Variants in ABCA9 observed in about 807,000 individuals in gnomAD.
ABCA9 encodes ATP-binding cassette sub-family A member 9.
In ABCA9, 183 loss-of-function variants were observed where a neutral mutation model predicts 205.3. The ratio of observed to expected loss-of-function variants is 0.89; its 90% CI spans 0.79 to 1.01. The LOEUF is 1.01. ABCA9 is among the 50% of genes least tolerant of loss of function. The pLI is 0.00. For synonymous variants in ABCA9, 651 were observed against 683.3 expected (o/e 0.95, Z 0.74); for missense variants, 1,805 against 1,912.4 (o/e 0.94, Z 1.05).
At chr17:69,047,509 G>A (rs1235212251) in intron 3 of ABCA9, among the ~76,000 whole-genome samples, 2 of 151,948 alleles carry the variant, frequency 1.3e-5, no homozygotes, top group African/African-American at 4.8e-5. Flanking sequence ...CTGGAGCTAT[G>A]ATAACATTAT....
rs2070235748 is a variant in ABCA9, at chr17:69,008,333, C to T, written c.3148-98G>A. 3 of 1,159,208 alleles carry T rather than the reference C, an allele frequency of 2.6e-6. No homozygotes were observed. The East Asian group carries it at 7.1e-5, about 28-fold the overall frequency. The allele number at this position is 1,159,208 out of a possible 1,614,324, so 71.8% of individuals were successfully genotyped here. ...ATGAAAGCATTCATTTTTGCTTCGC[C>T]TTTTAGAAATATTATCCTGATTTAG... On this transcript the variant is annotated intron_variant, in intron 23 of 38. Transcript: ENST00000340001.
chr17:69,043,713 G>T lies in ABCA9; in HGVS notation c.576C>A (p.Ile192=), dbSNP rs777966131. The T allele has an allele frequency of 1.3e-6, 2 of 1,586,392 alleles. No homozygotes were observed. Among genetic ancestry groups the T allele is most frequent in the East Asian group, 2.2e-5 (1 of 44,602 alleles). The change falls in exon 6 of 39, where the codon ATC becomes ATA. Residue 192 remains isoleucine (I), a splice_region_variant and synonymous_variant. Transcript: ENST00000340001. ...GTTCCATCACTGAATGATTTGTTGC[G>T]ATCTGAAGAAAGATATCAATGAACA... ...QAAINAAIIE[I]ATNHSVMEQL...
chr17:69,021,831 T>C lies in ABCA9; in HGVS notation c.2312A>G (p.Asn771Ser). 6.3e-7 allele frequency: 1 copy of C among 1,579,076 alleles called. No individual in the cohort carries two copies. Among genetic ancestry groups the C allele is most frequent in the Non-Finnish European group, 8.6e-7 (1 of 1,158,342 alleles). Residue 771 changes from asparagine to serine, a missense_variant, in exon 18 of 39, where the codon AAC becomes AGC. Asn to Ser is a conservative substitution (Grantham distance 46, BLOSUM62 1). Coordinates refer to ENST00000340001, the MANE Select transcript of ABCA9 (RefSeq NM_080283.4). ...AACACCATAATCCTCAATGCCTTGG[T>C]TAGAACATCTATCAAGATCCCTGTA... ...ELYRDLDRCS[N>S]QGIEDYGVSI...
chr17:68,987,031 TAAG>T (rs985251047), intron 31 of ABCA9, among the ~76,000 whole-genome samples: 5 of 152,220 alleles, frequency 3.3e-5, no homozygotes, highest in African/African-American at 1.2e-4. Flanking sequence ...TTTACAATAA[TAAG>T]AACATCTAAT....
chr17:68,997,210 C>T (rs572369174), intron 25 of ABCA9, among the ~76,000 whole-genome samples: 142 of 152,352 alleles, frequency 9.3e-4, no homozygotes, highest in Admixed American at 3.7e-3. Flanking sequence ...GGATTACAGG[C>T]GTGAGCCATT....
At chr17:68,977,973 A>T (rs1241312848) in intron 37 of ABCA9, among the ~76,000 whole-genome samples, 1 of 152,160 alleles carries the variant, frequency 6.6e-6, no homozygotes, top group African/African-American at 2.4e-5. Flanking sequence ...AGTTCTGTAG[A>T]TGTCTATTAG....
Position 68,986,294 on chromosome 17 carries a change from GT to G in ABCA9, c.4077del (p.Glu1359AspfsTer19). 1 of 1,612,006 alleles carries G rather than the reference GT, an allele frequency of 6.2e-7. No individual in the cohort carries two copies. The highest frequency in any genetic ancestry group is 8.5e-7 in the Non-Finnish European group (1 of 1,179,208). On this transcript the variant is annotated frameshift_variant, in exon 32 of 39. Transcript: ENST00000340001. LOFTEE classifies it high-confidence loss of function. ...QVILKGSGGG[E>X]PLGFLGYCPQ... is the part of the protein sequence containing the mutation. ...GGGCAGTACCCCAGGAAGCCCAGGG[GT>G]TCCCCTCCACCGCTCCCTTTCAAAA...
intron 23 of ABCA9, among the ~76,000 whole-genome samples, chr17:69,011,105 G>GTAAC (rs1485942769): frequency 1.3e-5 from 2 of 152,130 alleles, no homozygotes; most frequent in African/African-American, 4.8e-5. Context: ...ATGGTTCTAA[G>GTAAC]TAACTCATTG....
At position 69,018,533 on chromosome 17, in the gene ABCA9, G is replaced by C. The variant is rs150463540; in HGVS notation, c.2647C>G (p.Leu883Val). 638 of 1,604,358 alleles carry C rather than the reference G, an allele frequency of 4.0e-4. 7 individuals carry two copies. In the African/African-American group the frequency reaches 7.8e-3, roughly 20 times the overall value. The change falls in exon 20 of 39, where the codon CTA becomes GTA. Residue 883 changes from leucine to valine, a missense_variant. By Grantham distance (32) the Leu-to-Val change is conservative. Transcript: ENST00000340001. Reference sequence around the variant, plus strand: ...CTTTTCTGATATGACTCGTAGAATAGATGTTCCAAAAGTTGAGGGATAAAG... The same window carrying C: ...CTTTTCTGATATGACTCGTAGAATACATGTTCCAAAAGTTGAGGGATAAAG... ...ISFIPQLLEH[L>V]FYESYQKSYP...
At chr17:69,022,031 C>A (rs1467418017) in intron 17 of ABCA9, 170 bp from the exon 18 acceptor site, 2 of 424,036 alleles carry the variant, frequency 4.7e-6, no homozygotes, top group East Asian at 8.5e-5. Context: ...CTTTTCATGT[C>A]TTTTTGAGAT....
At chr17:68,999,250 A>T (rs1208104456) in intron 25 of ABCA9, among the ~76,000 whole-genome samples, 3 of 137,340 alleles carry the variant, frequency 2.2e-5, no homozygotes, top group African/African-American at 5.4e-5. Flanking sequence ...AGCATTAGGT[A>T]TATCTCCCAA....
intron 6 of ABCA9, among the ~76,000 whole-genome samples, chr17:69,041,459 T>G (rs1039465558): frequency 5.9e-5 from 9 of 152,144 alleles, no homozygotes; most frequent in African/African-American, 2.2e-4. Flanking sequence ...ATCACAGCAC[T>G]TTGGGAGGCC....
At chr17:68,987,722 A>G (rs927948794) in intron 31 of ABCA9, among the ~76,000 whole-genome samples, 1 of 150,640 alleles carries the variant, frequency 6.6e-6, no homozygotes, top group Non-Finnish European at 1.5e-5. Flanking sequence ...GGAGATTGAC[A>G]TGACCTCATT....
At chr17:69,015,717 T>A (rs1202421338) in intron 22 of ABCA9, among the ~76,000 whole-genome samples, 1 of 152,164 alleles carries the variant, frequency 6.6e-6, no homozygotes, top group African/African-American at 2.4e-5. Flanking sequence ...CTCATTTACT[T>A]CTTAAGAAAC....
rs1209122704 is a variant in ABCA9 at position 68,996,036 on chromosome 17, G to A, written c.3436-22C>T. On this transcript the variant is annotated intron_variant, in intron 25 of 38. Transcript: ENST00000340001. ...CCACCTAAAACAAATGCACAGTATA[G>A]CGTCATTAAAGTGTACCAATCTGAA... 2.5e-6 allele frequency: 4 copies of A among 1,609,038 alleles called. No individual in the cohort carries two copies. In the African/African-American group the frequency reaches 5.3e-5, roughly 22 times the overall value.
chr17:68,986,615 A>G (rs2069247646), intron 31 of ABCA9: 1 of 275,224 alleles, frequency 3.6e-6, no homozygotes, highest in African/African-American at 2.2e-5. Flanking sequence ...TCATTGATCC[A>G]AACATTCAAA....
intron 29 of ABCA9, 79 bp downstream of exon 29, chr17:68,990,758 C>T (rs1466534531): frequency 4.5e-6 from 7 of 1,563,510 alleles, no homozygotes; most frequent in South Asian, 2.4e-5. Flanking sequence ...AAGTGTTTTT[C>T]GAAAACTAAA....
chr17:69,071,753 T>C, the ABCA9 span, among the ~76,000 whole-genome samples: 2 of 152,140 alleles, frequency 1.3e-5, no homozygotes, highest in African/African-American at 4.8e-5. Flanking sequence ...GTTTGATGAA[T>C]TGACAGAAGT....
the ABCA9 span, among the ~76,000 whole-genome samples, chr17:69,072,561 C>T: frequency 6.6e-6 from 1 of 151,978 alleles, no homozygotes; most frequent in Non-Finnish European, 1.5e-5. Context: ...GATTTTGTCA[C>T]CACCAGGCCT....
Sources: gnomAD v4.1 joint callset for allele counts (sites outside exome capture counted in the v4.1 genomes callset) on GRCh38, gnomAD v4.1.1 for gene constraint, MANE v1.5 for transcripts, NCBI Gene and HGNC (gene_info 2026-07-23, HGNC 2026-07-21) for gene names.